The following SSPN variants were observed in gnomAD, a reference collection of about 807,000 sequenced individuals.
SSPN encodes sarcospan, also known as K-ras oncogene-associated protein.
Under a neutral mutation model 19.1 loss-of-function variants are expected in SSPN, and 15 were observed. The ratio of observed to expected loss-of-function variants is 0.78; its 90% CI spans 0.52 to 1.21. SSPN has a LOEUF of 1.21. SSPN is among the 50% of genes most tolerant of loss of function. The probability of loss-of-function intolerance (pLI) is 0.00; values close to 1 mark genes in which losing one functional copy is unlikely to be tolerated. For synonymous variants in SSPN, 147 were observed against 140.3 expected, an observed-to-expected ratio of 1.05 and a Z score of -0.34; for missense variants, 291 against 314.0, an observed-to-expected ratio of 0.93 and a Z score of 0.55.
chr12:26,168,490 A>G (rs1337952413), intron 1 of SSPN, among the ~76,000 whole-genome samples: 2 of 152,212 alleles, frequency 1.3e-5, no homozygotes, highest in Non-Finnish European at 2.9e-5. Context: ...TATGAATAAA[A>G]TTGCATTGAC....
chr12:26,123,214 A>T, intron 1 of SSPN: 1 of 1,528,654 alleles, frequency 6.5e-7, no homozygotes, highest in Admixed American at 2.0e-5. Context: ...GAGTGGAGGC[A>T]AGAAGAAACA....
intron 1 of SSPN, among the ~76,000 whole-genome samples, chr12:26,130,403 CAGAT>C (rs1414764835): frequency 6.6e-6 from 1 of 152,100 alleles, no homozygotes; most frequent in East Asian, 1.9e-4. Flanking sequence ...TTGTCAGTAA[CAGAT>C]ATTTCTTCTG....
At chr12:26,153,802 T>C (rs577842651) in intron 1 of SSPN, among the ~76,000 whole-genome samples, 1 of 152,320 alleles carries the variant, frequency 6.6e-6, no homozygotes, top group Non-Finnish European at 1.5e-5. Context: ...GTCCCAATCA[T>C]CAGGAATATT....
chr12:26,138,540 T>C (rs1213945628), intron 1 of SSPN, among the ~76,000 whole-genome samples: 1 of 152,216 alleles, frequency 6.6e-6, no homozygotes, highest in African/African-American at 2.4e-5. Flanking sequence ...CATGTGGTTA[T>C]TGAGCAGTTA....
intron 1 of SSPN, among the ~76,000 whole-genome samples, chr12:26,204,058 A>T (rs959350688): frequency 5.3e-5 from 8 of 152,188 alleles, no homozygotes; most frequent in African/African-American, 1.9e-4. Flanking sequence ...CATATGACTT[A>T]CGGGGACACA....
upstream of SSPN, among the ~76,000 whole-genome samples, chr12:26,192,084 T>G (rs973882242): frequency 1.3e-5 from 2 of 152,214 alleles, no homozygotes; most frequent in African/African-American, 4.8e-5. Flanking sequence ...CGTTCTGAAC[T>G]TCTGATGCAT....
At chr12:26,200,208 A>G (rs1019809126) in intron 1 of SSPN, among the ~76,000 whole-genome samples, 4 of 152,214 alleles carry the variant, frequency 2.6e-5, no homozygotes, top group South Asian at 4.1e-4. Flanking sequence ...TAAATACTGC[A>G]TTAATCACAT....
chr12:26,136,678 T>C (rs1944427074), intron 1 of SSPN, among the ~76,000 whole-genome samples: 1 of 152,212 alleles, frequency 6.6e-6, no homozygotes, highest in African/African-American at 2.4e-5. Context: ...TTGCTTTCCA[T>C]TACTCTTTCC....
At chr12:26,129,116 A>G (rs1285045807) in intron 1 of SSPN, among the ~76,000 whole-genome samples, 3 of 152,276 alleles carry the variant, frequency 2.0e-5, no homozygotes, top group African/African-American at 7.2e-5. Context: ...TAGGAACCCA[A>G]GTGTGATCCA....
intron 1 of SSPN, chr12:26,125,060 G>A (rs1053790706): frequency 5.2e-5 from 28 of 533,788 alleles, no homozygotes; most frequent in African/African-American, 1.5e-4. Context: ...GCGCGTCGCC[G>A]GCCAGACCAG....
chr12:26,124,879 T>C (rs1258364944), intron 1 of SSPN: 2 of 1,158,476 alleles, frequency 1.7e-6, no homozygotes, highest in Non-Finnish European at 2.6e-6. Flanking sequence ...TCTGTGCGTC[T>C]CCAGTCTCTC....
chr12:26,133,485 T>G (rs576364751), intron 1 of SSPN, among the ~76,000 whole-genome samples: 1 of 152,282 alleles, frequency 6.6e-6, no homozygotes, highest in East Asian at 1.9e-4. Context: ...GTAAGGAAGA[T>G]AAAAACCACC....
chr12:26,146,098 C>G (rs562309938), intron 1 of SSPN, among the ~76,000 whole-genome samples: 2 of 152,310 alleles, frequency 1.3e-5, no homozygotes, highest in African/African-American at 4.8e-5. Context: ...TCCAGAGAAG[C>G]AATTGCCACC....
chr12:26,217,788 G>T (rs528961718), intron 1 of SSPN, among the ~76,000 whole-genome samples: 1 of 151,698 alleles, frequency 6.6e-6, no homozygotes, highest in Non-Finnish European at 1.5e-5. Flanking sequence ...AGCATGAAAG[G>T]TTGTTGAATT....
At chr12:26,126,453 G>A (rs1944365268) in intron 1 of SSPN, 2 of 152,234 alleles carry the variant, frequency 1.3e-5, no homozygotes, top group Non-Finnish European at 2.9e-5. Context: ...TAAGTGAACC[G>A]AGGGGAGAAG....
chr12:26,163,274 C>T (rs529908820), intron 1 of SSPN, among the ~76,000 whole-genome samples: 1 of 152,240 alleles, frequency 6.6e-6, no homozygotes, highest in African/African-American at 2.4e-5. Context: ...CAATTAATAC[C>T]TTCTCTATAA....
chr12:26,127,836 C>T (rs1944375610), intron 1 of SSPN, among the ~76,000 whole-genome samples: 1 of 152,152 alleles, frequency 6.6e-6, no homozygotes, highest in Non-Finnish European at 1.5e-5. Flanking sequence ...AAACTCTTGG[C>T]TTCTGGAATA....
chr12:26,203,778 G>A (rs959252928), intron 1 of SSPN, among the ~76,000 whole-genome samples: 2 of 152,170 alleles, frequency 1.3e-5, no homozygotes, highest in African/African-American at 4.8e-5. Context: ...TTCTGGAGAC[G>A]GGAAGTCCAA....
At chr12:26,176,052 G>C (rs1461830338) in intron 1 of SSPN, among the ~76,000 whole-genome samples, 1 of 152,138 alleles carries the variant, frequency 6.6e-6, no homozygotes. Context: ...GACCAGGCTG[G>C]TCTCAAACCC....
Sources: gnomAD v4.1 joint callset for allele counts (sites outside exome capture counted in the v4.1 genomes callset) on GRCh38, gnomAD v4.1.1 for gene constraint, MANE v1.5 for transcripts, NCBI Gene and HGNC (gene_info 2026-07-23, HGNC 2026-07-21) for gene names.